BARD1: variants seen among roughly 807,000 people sequenced by gnomAD.
BARD1 encodes BRCA1-associated RING domain protein 1.
A neutral mutation model predicts 77.0 loss-of-function variants in BARD1; 73 were observed. The ratio of observed to expected loss-of-function variants is 0.95; its 90% confidence interval spans 0.79 to 1.15. The LOEUF (loss-of-function observed/expected upper bound fraction) is 1.15. Among genes scored for constraint, BARD1 ranks in the 50% most tolerant of loss-of-function variants. BARD1 has a pLI of 0.00. For missense variants in BARD1, 993 were observed against 938.8 expected, an observed-to-expected ratio of 1.06 and a Z score of -0.75; for synonymous variants, 384 against 338.0, an observed-to-expected ratio of 1.14 and a Z score of -1.49.
chr2:214,751,081 G>C (rs12463438), intron 7 of BARD1, among the ~76,000 whole-genome samples: 42,609 of 68,280 alleles, frequency 0.62, 10,594 homozygotes, highest in Admixed American at 0.69. Flanking sequence ...GTGAAATTCT[G>C]TGTGTGTGTG....
chr2:214,773,500 T>C (rs1045902403), intron 4 of BARD1, among the ~76,000 whole-genome samples: 3 of 152,190 alleles, frequency 2.0e-5, no homozygotes, highest in Non-Finnish European at 4.4e-5. Context: ...TACTGTCAGT[T>C]CAGTTCCAGG....
At position 214,781,026 on chromosome 2, in the gene BARD1, G is replaced by A. The variant is rs1694987682; in HGVS notation, c.848C>T (p.Ala283Val). ...AGTGTCTGGAGACTCTATTTGCTCAGCCAATGGTAAAGAGACTTCAGTTAA... is the reference window on the plus strand; with the variant it reads ...AGTGTCTGGAGACTCTATTTGCTCAACCAATGGTAAAGAGACTTCAGTTAA... ...GSLTEVSLPLAEQIESPDTKS... is the reference protein window; with the variant it reads ...GSLTEVSLPLVEQIESPDTKS... The change falls in exon 4 of 11, where the codon GCT (alanine) becomes GTT (valine). Residue 283 changes from alanine (A) to valine (V), a missense_variant. By Grantham distance (64) the Ala-to-Val change is moderately conservative (BLOSUM62 0). Transcript: ENST00000260947. The A allele has an allele frequency of 1.9e-6, 3 of 1,612,252 alleles. No individual in the cohort carries two copies. The African/African-American group carries it at 4.0e-5, about 22-fold the overall frequency.
At position 214,728,794 on chromosome 2, in the gene BARD1, T is replaced by C. The variant is rs777013688; in HGVS notation, c.2216A>G (p.Tyr739Cys). 9 of 1,614,190 alleles carry C rather than the reference T, an allele frequency of 5.6e-6. No homozygotes were observed. The highest frequency in any genetic ancestry group is 2.2e-5 in the South Asian group (2 of 91,092). ...TGGGTGATAATTACACAAATCTTCA[T>C]AGATGATATACTGTGTGCAGAAGCG... Reference protein sequence around the residue: ...DQRFCTQYIIYEDLCNYHPER... With the variant: ...DQRFCTQYIICEDLCNYHPER... The change falls in exon 11 of 11, where the codon TAT (tyrosine) becomes TGT (cysteine). Residue 739 changes from tyrosine to cysteine, a missense_variant. Physicochemically the swap from Tyr to Cys is radical, Grantham distance 194 (BLOSUM62 -2). Coordinates refer to ENST00000260947, the MANE Select transcript of BARD1 (RefSeq NM_000465.4).
chr2:214,801,012 T>C (rs966597417), intron 1 of BARD1, among the ~76,000 whole-genome samples: 10 of 152,182 alleles, frequency 6.6e-5, no homozygotes, highest in Admixed American at 6.5e-4. Flanking sequence ...TTTGGAAATG[T>C]AGAGGTACAT....
chr2:214,809,348 T>G (rs898700341), intron 1 of BARD1, 64 bp downstream of exon 1: 5 of 1,597,330 alleles, frequency 3.1e-6, no homozygotes, highest in Non-Finnish European at 4.3e-6. Flanking sequence ...GAAAAGATTC[T>G]GCCGCCCCCA....
chr2:214,770,150 A>G (rs1305810242), intron 4 of BARD1, among the ~76,000 whole-genome samples: 1 of 152,150 alleles, frequency 6.6e-6, no homozygotes, highest in East Asian at 1.9e-4. Flanking sequence ...TCTGTTTAAA[A>G]TGGCAAAAAA....
intron 7 of BARD1, among the ~76,000 whole-genome samples, chr2:214,751,709 T>G (rs1344522816): frequency 6.6e-6 from 1 of 152,206 alleles, no homozygotes; most frequent in South Asian, 2.1e-4. Context: ...TTTCATGTTT[T>G]ACAGACATCA....
At chr2:214,739,884 A>G (rs1425256734) in intron 9 of BARD1, among the ~76,000 whole-genome samples, 2 of 152,052 alleles carry the variant, frequency 1.3e-5, no homozygotes, top group Non-Finnish European at 2.9e-5. Flanking sequence ...GTAATTTGCT[A>G]TTTTACTTAA....
chr2:214,790,729 T>G (rs925831143), intron 3 of BARD1, among the ~76,000 whole-genome samples: 1 of 152,066 alleles, frequency 6.6e-6, no homozygotes, highest in African/African-American at 2.4e-5. Flanking sequence ...CACTCCAAAT[T>G]TCAGTGCAAA....
rs1225006159 is a variant in BARD1, at chr2:214,725,949, C to A, written c.*2727G>T. 8.9e-6 allele frequency: 2 copies of A among 224,534 alleles called. No individual in the cohort carries two copies. The highest frequency in any genetic ancestry group is 1.8e-5 in the Non-Finnish European group (2 of 112,904). The allele number at this position is 224,534 out of a possible 1,614,324, so 13.9% of individuals were successfully genotyped here. A position where few individuals can be genotyped will look rare whatever the true frequency, so the allele number is the denominator to read the frequency against. On this transcript the variant is annotated 3_prime_UTR_variant, in exon 11 of 11. Transcript: ENST00000260947. ...TGTGGCCCCACTCTCACCTGTGAATCGTCTTATTCCCACAGGAAACATCAA... is the reference window on the plus strand; with the variant it reads ...TGTGGCCCCACTCTCACCTGTGAATAGTCTTATTCCCACAGGAAACATCAA...
chr2:214,758,501 C>A (rs1045201965), intron 6 of BARD1, among the ~76,000 whole-genome samples: 1 of 152,102 alleles, frequency 6.6e-6, no homozygotes, highest in Admixed American at 6.5e-5. Context: ...TTTTATGATA[C>A]AATTGATGCA....
At chr2:214,741,036 C>T (rs943471500) in intron 9 of BARD1, among the ~76,000 whole-genome samples, 54 of 151,966 alleles carry the variant, frequency 3.6e-4, no homozygotes, top group African/African-American at 1.2e-3. Context: ...AATGTGTTAG[C>T]CTGATTATGA....
At chr2:214,776,237 G>A (rs1417575110) in intron 4 of BARD1, among the ~76,000 whole-genome samples, 1 of 152,094 alleles carries the variant, frequency 6.6e-6, no homozygotes, top group East Asian at 1.9e-4. Context: ...GAAGGGTGTG[G>A]GGGAAGAAAA....
At chr2:214,770,791 G>A (rs562168985) in intron 4 of BARD1, among the ~76,000 whole-genome samples, 249 of 152,274 alleles carry the variant, frequency 1.6e-3, no homozygotes, top group African/African-American at 5.7e-3. Flanking sequence ...TGGCAAAGGA[G>A]TTCTGGGGAA....
chr2:214,734,624 TC>T (rs1692490856), intron 9 of BARD1, among the ~76,000 whole-genome samples: 1 of 152,116 alleles, frequency 6.6e-6, no homozygotes, highest in Admixed American at 6.5e-5. Flanking sequence ...CTTTAATTTT[TC>T]CACAATCTAG....
intron 9 of BARD1, among the ~76,000 whole-genome samples, chr2:214,734,324 T>C (rs1692478340): frequency 1.3e-5 from 2 of 152,090 alleles, no homozygotes; most frequent in African/African-American, 2.4e-5. Flanking sequence ...ATATTAAATA[T>C]GGAAAGAAAA....
intron 6 of BARD1, among the ~76,000 whole-genome samples, chr2:214,757,502 T>C (rs187807371): frequency 2.6e-5 from 4 of 152,302 alleles, no homozygotes; most frequent in Admixed American, 2.6e-4. Context: ...CTGATGTTGA[T>C]AGAACCTATG....
At chr2:214,784,370 G>C (rs1229933130) in intron 3 of BARD1, among the ~76,000 whole-genome samples, 1 of 152,050 alleles carries the variant, frequency 6.6e-6, no homozygotes, top group Non-Finnish European at 1.5e-5. Flanking sequence ...AAAAAGTCAT[G>C]GAAACAACAG....
intron 1 of BARD1, among the ~76,000 whole-genome samples, chr2:214,803,790 C>G (rs900171305): frequency 6.6e-6 from 1 of 152,074 alleles, no homozygotes; most frequent in African/African-American, 2.4e-5. Flanking sequence ...TTTTCTTTTC[C>G]AAGTCTCTCG....
Sources: allele counts gnomAD v4.1 joint callset (sites outside exome capture counted in the v4.1 genomes callset), GRCh38; gene constraint gnomAD v4.1.1; transcripts MANE v1.5; gene names NCBI Gene and HGNC (gene_info 2026-07-23, HGNC 2026-07-21).